The following VPS13D variants were observed in gnomAD, a reference collection of about 807,000 sequenced individuals.
VPS13D encodes intermembrane lipid transfer protein VPS13D.
In VPS13D, 187 loss-of-function variants were observed where a neutral mutation model predicts 461.9. The observed-to-expected ratio is 0.40, with a 90% CI of 0.36 to 0.46. The LOEUF (loss-of-function observed/expected upper bound fraction) is 0.46, where lower values mean the gene tolerates loss of function less well. Ranked by LOEUF, VPS13D falls within the 20% of genes least tolerant of loss-of-function variation. The pLI is 0.60. For missense variants in VPS13D, 4,711 were observed against 5,364.9 expected, an observed-to-expected ratio of 0.88 and a Z score of 3.81; for synonymous variants, 1,951 against 1,986.3, an observed-to-expected ratio of 0.98 and a Z score of 0.47.
chr1:12,302,001 A>G (rs1018713127), intron 25 of VPS13D, among the ~76,000 whole-genome samples: 2 of 152,140 alleles, frequency 1.3e-5, no homozygotes, highest in African/African-American at 4.8e-5. Flanking sequence ...ACAAAACCGA[A>G]ATGGCTTAGC....
rs144796187 is a variant in VPS13D, at chr1:12,363,647, C to T, written c.10448+400C>T. 6.1e-3 allele frequency among the ~76,000 whole-genome samples: 927 copies of T among 152,204 alleles called. 3 individuals carry two copies. The highest frequency in any genetic ancestry group is 0.027 in the Middle Eastern group (8 of 294). On this transcript the variant is annotated intron_variant, in intron 52 of 69. Coordinates refer to ENST00000620676, the MANE Select transcript of VPS13D (RefSeq NM_015378.4). ...TTTCTACACCTAATGTGGTAACACT[C>T]AGTTCTTGTTAAGAAAAATTAACCA...
chr1:12,336,057 C>T, intron 39 of VPS13D: 1 of 489,656 alleles, frequency 2.0e-6, no homozygotes, highest in African/African-American at 1.9e-5. Context: ...AAAAGATCTG[C>T]AACACGTAAT....
At chr1:12,301,948 C>G (rs1423513548) in intron 25 of VPS13D, among the ~76,000 whole-genome samples, 1 of 152,092 alleles carries the variant, frequency 6.6e-6, no homozygotes, top group African/African-American at 2.4e-5. Context: ...ATGATGCATC[C>G]TTAGGTGATT....
At chr1:12,409,790 C>T (rs532172083) in intron 63 of VPS13D, 39 of 439,376 alleles carry the variant, frequency 8.9e-5, no homozygotes, top group African/African-American at 5.9e-4. Flanking sequence ...AAAGACAGAT[C>T]GTGGGGGCGG....
At chr1:12,271,946 C>A (rs1351595934) in intron 17 of VPS13D, among the ~76,000 whole-genome samples, 1 of 151,952 alleles carries the variant, frequency 6.6e-6, no homozygotes, top group Non-Finnish European at 1.5e-5. Context: ...AATCCTGGCA[C>A]TGGGGGAAGC....
At chr1:12,447,456 A>C (rs769393965) in intron 65 of VPS13D, among the ~76,000 whole-genome samples, 22 of 152,202 alleles carry the variant, frequency 1.4e-4, no homozygotes, top group Non-Finnish European at 2.9e-4. Context: ...CTGGCACATG[A>C]CGAACGTTGT....
intron 65 of VPS13D, among the ~76,000 whole-genome samples, chr1:12,425,517 C>T (rs1336522805): frequency 6.6e-6 from 1 of 151,810 alleles, no homozygotes; most frequent in Non-Finnish European, 1.5e-5. Flanking sequence ...TGAGATTGTG[C>T]CACTGCACTC....
chr1:12,373,122 T>TG (rs1443279854), intron 54 of VPS13D, among the ~76,000 whole-genome samples: 15 of 132,976 alleles, frequency 1.1e-4, no homozygotes, highest in African/African-American at 4.0e-4. Context: ...TTTTTTTTTT[T>TG]GCTTTTTTTG....
intron 40 of VPS13D, among the ~76,000 whole-genome samples, chr1:12,341,253 C>G (rs1169565743): frequency 6.6e-6 from 1 of 152,160 alleles, no homozygotes; most frequent in Non-Finnish European, 1.5e-5. Context: ...TGGTCTACTT[C>G]TGCCTTTCCA....
chr1:12,342,644 C>T (rs1476990589), intron 41 of VPS13D, among the ~76,000 whole-genome samples: 3 of 152,202 alleles, frequency 2.0e-5, no homozygotes, highest in Non-Finnish European at 2.9e-5. Flanking sequence ...TCACATGTAC[C>T]AGATTCTACT....
intron 42 of VPS13D, among the ~76,000 whole-genome samples, chr1:12,344,645 T>C (rs1162237031): frequency 1.3e-5 from 2 of 152,204 alleles, no homozygotes; most frequent in Non-Finnish European, 2.9e-5. Flanking sequence ...GGTCCCACTA[T>C]TCTGCTTGAA....
At chr1:12,289,117 C>T (rs1642054093) in intron 22 of VPS13D, among the ~76,000 whole-genome samples, 1 of 152,228 alleles carries the variant, frequency 6.6e-6, no homozygotes, top group African/African-American at 2.4e-5. Flanking sequence ...GCTGGGATTA[C>T]AGGTGTGAGC....
At position 12,368,385 on chromosome 1, in the gene VPS13D, G is replaced by A; in HGVS notation, c.10449-83G>A. The A allele has an allele frequency of 3.3e-6, 5 of 1,495,734 alleles. No homozygotes were observed. In the Admixed American group the frequency reaches 8.4e-5, roughly 25 times the overall value. 92.7% of individuals were successfully genotyped at this position (1,495,734 alleles called of 1,614,324 possible). On this transcript the variant is annotated intron_variant, in intron 52 of 69. Transcript: ENST00000620676. ...TTGACTGAGGCCCAAACAGTGTTGT[G>A]ATTGTCAGAAATATGAGAAGTAAGT...
intron 67 of VPS13D, among the ~76,000 whole-genome samples, chr1:12,484,923 C>T (rs934787460): frequency 6.6e-6 from 1 of 151,848 alleles, no homozygotes; most frequent in African/African-American, 2.4e-5. Context: ...CTCTTATGTT[C>T]TGCCAATTTT....
chr1:12,251,961 G>C (rs1481382992), intron 6 of VPS13D, among the ~76,000 whole-genome samples: 1 of 152,118 alleles, frequency 6.6e-6, no homozygotes, highest in African/African-American at 2.4e-5. Context: ...AGGCTCTGAG[G>C]GAGAAACCGT....
chr1:12,438,402 G>C (rs181334192), intron 65 of VPS13D, among the ~76,000 whole-genome samples: 63 of 152,228 alleles, frequency 4.1e-4, no homozygotes, highest in Admixed American at 3.5e-3. Flanking sequence ...CCTTGATCTT[G>C]GACTTCCCAT....
At chr1:12,298,036 A>G (rs1008627978) in intron 24 of VPS13D, among the ~76,000 whole-genome samples, 1 of 152,222 alleles carries the variant, frequency 6.6e-6, no homozygotes, top group African/African-American at 2.4e-5. Context: ...CTGTGTGTAC[A>G]GGAAAAAAAG....
chr1:12,341,910 C>G (rs768480985), intron 41 of VPS13D, 25 bp downstream of exon 41: 2 of 1,608,028 alleles, frequency 1.2e-6, no homozygotes, highest in Non-Finnish European at 1.7e-6. Context: ...TATATTACCC[C>G]GAGTCATCTC....
rs1644231809 is a variant in VPS13D at position 12,378,517 on chromosome 1, G to T, written c.11007G>T (p.Lys3669Asn). The T allele has an allele frequency of 6.2e-7, 1 of 1,612,014 alleles. No individual in the cohort carries two copies. The highest frequency in any genetic ancestry group is 8.5e-7 in the Non-Finnish European group (1 of 1,179,174). The part of the protein sequence containing the change: ...EGSSVPHNPN[K>N]PSAARSTEGS... ...CCTCAGTTCCTCACAATCCCAATAA[G>T]CCCTCAGCCGCCCGCTCCACCGAGG... The change falls in exon 56 of 70, where the codon AAG (lysine) becomes AAT (asparagine). Residue 3669 changes from lysine (K) to asparagine (N), a missense_variant. Coordinates refer to ENST00000620676, the MANE Select transcript of VPS13D (RefSeq NM_015378.4).
Sources: allele counts gnomAD v4.1 joint callset (sites outside exome capture counted in the v4.1 genomes callset), GRCh38; gene constraint gnomAD v4.1.1; transcripts MANE v1.5; gene names NCBI Gene and HGNC (gene_info 2026-07-23, HGNC 2026-07-21).